OMA1: variants seen among roughly 807,000 people sequenced by gnomAD.
OMA1 encodes the protein OMA1 zinc metallopeptidase.
OMA1 carries 38 observed loss-of-function variants against 30.9 expected under a neutral mutation model. The observed-to-expected ratio is 1.23, with a 90% confidence interval of 0.95 to 1.61. The LOEUF is 1.61. OMA1 is among the 40% of genes most tolerant of loss of function. The pLI, the probability that OMA1 is intolerant of heterozygous loss-of-function variation, is 0.00. For missense variants in OMA1, 461 were observed against 349.2 expected (o/e 1.32, Z -2.55); for synonymous variants, 173 against 121.9 (o/e 1.42, Z -2.76).
chr1:58,528,291 T>C (rs889233602), intron 6 of OMA1, among the ~76,000 whole-genome samples: 2 of 152,210 alleles, frequency 1.3e-5, no homozygotes, highest in Non-Finnish European at 2.9e-5. Context: ...CCAAATACTG[T>C]TAACTTATTG....
chr1:58,533,827 G>A (rs1569967261), intron 5 of OMA1, 126 bp downstream of exon 5: 1 of 666,968 alleles, frequency 1.5e-6, no homozygotes, highest in East Asian at 2.7e-5. Flanking sequence ...GCAGATTAAG[G>A]CAATTACCCA....
intron 7 of OMA1, among the ~76,000 whole-genome samples, chr1:58,510,043 A>T (rs547590732): frequency 6.6e-6 from 1 of 152,280 alleles, no homozygotes; most frequent in East Asian, 1.9e-4. Flanking sequence ...CTCACTGGTG[A>T]ATGCCACCAA....
intron 8 of OMA1, among the ~76,000 whole-genome samples, chr1:58,494,799 G>A (rs1645766614): frequency 1.3e-5 from 2 of 152,180 alleles, no homozygotes; most frequent in Non-Finnish European, 1.5e-5. Flanking sequence ...GGAGAAATAG[G>A]AACACCTTTA....
At chr1:58,542,915 T>C (rs1446846197) in intron 1 of OMA1, among the ~76,000 whole-genome samples, 1 of 151,960 alleles carries the variant, frequency 6.6e-6, no homozygotes, top group Non-Finnish European at 1.5e-5. Flanking sequence ...AGGGCATGTG[T>C]AAGTTGGGTC....
chr1:58,507,984 C>T (rs114006228), intron 7 of OMA1, among the ~76,000 whole-genome samples: 1,590 of 152,184 alleles, frequency 0.01, 37 homozygotes, highest in African/African-American at 0.037. Context: ...GCTACACAAA[C>T]CAAAGGCATA....
chr1:58,495,473 T>G (rs564094581), intron 8 of OMA1, among the ~76,000 whole-genome samples: 12 of 152,238 alleles, frequency 7.9e-5, no homozygotes, highest in African/African-American at 2.6e-4. Context: ...GCCACTTAAA[T>G]TTTATTTTTC....
At chr1:58,493,453 A>G (rs2100384155) in intron 8 of OMA1, among the ~76,000 whole-genome samples, 1 of 151,980 alleles carries the variant, frequency 6.6e-6, no homozygotes, top group Middle Eastern at 3.4e-3. Flanking sequence ...AGGGTATTCA[A>G]TTAGGAAAAG....
chr1:58,507,452 A>C (rs1419733461), intron 7 of OMA1, among the ~76,000 whole-genome samples: 1 of 152,012 alleles, frequency 6.6e-6, no homozygotes, highest in African/African-American at 2.4e-5. Flanking sequence ...TTAGCAAAAT[A>C]AAAAATTTTA....
chr1:58,529,593 T>C (rs1006689713), intron 6 of OMA1, among the ~76,000 whole-genome samples: 16 of 152,214 alleles, frequency 1.1e-4, no homozygotes, highest in African/African-American at 3.6e-4. Flanking sequence ...GATGGCAAAG[T>C]AGCTTTAGCC....
chr1:58,508,957 C>A lies in OMA1; in HGVS notation c.1216-2748G>T, dbSNP rs757813854. Among the ~76,000 whole-genome samples, 7 of 152,124 alleles carry A rather than the reference C, an allele frequency of 4.6e-5. No homozygotes were observed. The South Asian group carries it at 1.5e-3, about 32-fold the overall frequency. ...GCACTGATAGGACCCAGCATATGGA[C>A]CAGATGGACCAGACAGGACCCTAGA... On this transcript the variant is annotated intron_variant, in intron 7 of 8. Transcript: ENST00000371226.
At chr1:58,485,983 T>C (rs550788719) in intron 8 of OMA1, among the ~76,000 whole-genome samples, 13 of 152,334 alleles carry the variant, frequency 8.5e-5, no homozygotes, top group African/African-American at 2.9e-4. Context: ...GAGGAAGATT[T>C]GAAGTTAAAT....
chr1:58,497,234 A>G (rs1302002556), intron 8 of OMA1, among the ~76,000 whole-genome samples: 1 of 152,188 alleles, frequency 6.6e-6, no homozygotes, highest in Non-Finnish European at 1.5e-5. Context: ...AAACAAAACA[A>G]AAGGGAGGGG....
chr1:58,544,755 G>A (rs745444787), intron 1 of OMA1, among the ~76,000 whole-genome samples: 2 of 152,060 alleles, frequency 1.3e-5, no homozygotes, highest in Non-Finnish European at 2.9e-5. Context: ...TACCACATCT[G>A]GCTAATTTTT....
At chr1:58,495,308 T>C (rs1645780195) in intron 8 of OMA1, among the ~76,000 whole-genome samples, 1 of 152,050 alleles carries the variant, frequency 6.6e-6, no homozygotes, top group African/African-American at 2.4e-5. Context: ...TTAGGAGATA[T>C]ACCTAATGTT....
At chr1:58,491,715 C>A (rs1184078917) in intron 8 of OMA1, among the ~76,000 whole-genome samples, 1 of 152,204 alleles carries the variant, frequency 6.6e-6, no homozygotes, top group East Asian at 1.9e-4. Context: ...GAAGAGCTAA[C>A]TATCCTAAAT....
chr1:58,500,464 A>G (rs1315113764), intron 8 of OMA1, among the ~76,000 whole-genome samples: 2 of 152,212 alleles, frequency 1.3e-5, no homozygotes, highest in African/African-American at 4.8e-5. Context: ...TAAACGTGTA[A>G]GAATGATTTA....
chr1:58,495,563 A>C (rs927619441), intron 8 of OMA1, among the ~76,000 whole-genome samples: 1 of 141,336 alleles, frequency 7.1e-6, no homozygotes, highest in East Asian at 2.0e-4. Context: ...AGCTAGTTAC[A>C]ATTATATTTA....
Position 58,493,306 on chromosome 1 carries a change from T to G in OMA1, c.1366-12132A>C, listed in dbSNP as rs576591143. ...CTATTTATGACAAACTCACAGCCAATATCATACTGAATGGGCAAAAATTGG... is the reference window on the plus strand; with the variant it reads ...CTATTTATGACAAACTCACAGCCAAGATCATACTGAATGGGCAAAAATTGG... On this transcript the variant is annotated intron_variant, in intron 8 of 8. Coordinates refer to ENST00000371226, the MANE Select transcript of OMA1 (RefSeq NM_145243.5). Among the ~76,000 whole-genome samples the G allele has an allele frequency of 2.6e-5, 4 of 152,322 alleles. No individual in the cohort carries two copies. The South Asian group carries it at 8.3e-4, about 32-fold the overall frequency.
chr1:58,509,693 G>A (rs1646044583), intron 7 of OMA1, among the ~76,000 whole-genome samples: 1 of 148,752 alleles, frequency 6.7e-6, no homozygotes, highest in Admixed American at 6.7e-5. Flanking sequence ...TAAAAAAATA[G>A]AAAAAAATTA....
Sources: gnomAD v4.1 joint callset for allele counts (sites outside exome capture counted in the v4.1 genomes callset) on GRCh38, gnomAD v4.1.1 for gene constraint, MANE v1.5 for transcripts, NCBI Gene and HGNC (gene_info 2026-07-23, HGNC 2026-07-21) for gene names.